The following ANKRD36 variants were observed in gnomAD, a reference collection of about 807,000 sequenced individuals.
The protein encoded by ANKRD36 is ankyrin repeat domain-containing protein 36A.
Under a neutral mutation model 278.1 loss-of-function variants are expected in ANKRD36, and 179 were observed. The observed-to-expected ratio is 0.64, with a 90% CI of 0.57 to 0.73. The LOEUF (loss-of-function observed/expected upper bound fraction) is 0.73. Ranked by LOEUF, ANKRD36 falls within the 30% of genes least tolerant of loss-of-function variation. The probability of loss-of-function intolerance (pLI) is 0.00; values close to 1 mark genes in which losing one functional copy is unlikely to be tolerated. For synonymous variants in ANKRD36, 320 were observed against 641.1 expected, an observed-to-expected ratio of 0.50 and a Z score of 7.57; for missense variants, 1,159 against 1,956.7, an observed-to-expected ratio of 0.59 and a Z score of 7.69.
intron 14 of ANKRD36, among the ~76,000 whole-genome samples, chr2:97,153,186 A>G (rs374698764): frequency 0.049 from 5,500 of 112,092 alleles, no homozygotes; most frequent in African/African-American, 0.081. Flanking sequence ...GATATTTCTA[A>G]TTCATTTCTC....
chr2:97,166,873 A>G (rs567290877), intron 20 of ANKRD36, among the ~76,000 whole-genome samples: 2 of 152,276 alleles, frequency 1.3e-5, no homozygotes, highest in South Asian at 2.1e-4. Context: ...AGTATTATTT[A>G]TTTATTTATT....
At chr2:97,127,712 A>G (rs1429546899) in intron 6 of ANKRD36, among the ~76,000 whole-genome samples, 1 of 151,972 alleles carries the variant, frequency 6.6e-6, no homozygotes, top group African/African-American at 2.4e-5. Flanking sequence ...ACTACTCTCA[A>G]TCTAGTGTAA....
chr2:97,209,908 C>T lies in ANKRD36; in HGVS notation c.3367+36C>T, dbSNP rs753877809. On this transcript the variant is annotated intron_variant, in intron 56 of 75. Coordinates refer to ENST00000420699, the MANE Select transcript of ANKRD36 (RefSeq NM_001354587.1). ...AAACAGATTTAATGTCATGTTCAGTCCAGATAGGTAAGAAATTCTCTTCCC... is the reference window on the plus strand; with the variant it reads ...AAACAGATTTAATGTCATGTTCAGTTCAGATAGGTAAGAAATTCTCTTCCC... 3.9e-6 allele frequency: 6 copies of T among 1,546,448 alleles called. No homozygotes were observed. The South Asian group carries it at 7.2e-5, about 19-fold the overall frequency.
At position 97,209,956 on chromosome 2, in the gene ANKRD36, G is replaced by GT. The variant is rs2063952391; in HGVS notation, c.3367+86dup. The GT allele has an allele frequency of 2.7e-6, 4 of 1,493,130 alleles. No homozygotes were observed. In the Admixed American group the frequency reaches 6.6e-5, roughly 25 times the overall value. The allele number at this position is 1,493,130 out of a possible 1,614,324, so 92.5% of individuals were successfully genotyped here. Reference sequence around the variant, plus strand: ...CCCTGAATAAATCAGCGGAGGGCTCGTTGAAGCTGCACATTCTGATTCAGC... The same window carrying GT: ...CCCTGAATAAATCAGCGGAGGGCTCGTTTGAAGCTGCACATTCTGATTCAGC... On this transcript the variant is annotated intron_variant, in intron 56 of 75. Coordinates refer to ENST00000420699, the MANE Select transcript of ANKRD36 (RefSeq NM_001354587.1).
At chr2:97,152,929 G>A (rs866766580) in intron 14 of ANKRD36, among the ~76,000 whole-genome samples, 2 of 151,614 alleles carry the variant, frequency 1.3e-5, no homozygotes, top group Middle Eastern at 3.4e-3. Flanking sequence ...TGTCTTTAGA[G>A]TGTTATTTAG....
At chr2:97,208,909 T>G (rs2063604354) in intron 54 of ANKRD36, among the ~76,000 whole-genome samples, 1 of 146,824 alleles carries the variant, frequency 6.8e-6, no homozygotes, top group African/African-American at 2.6e-5. Flanking sequence ...CAGTGATTTC[T>G]GAATGAAAAG....
chr2:97,188,737 A>T lies in ANKRD36; in HGVS notation c.2144-350A>T, dbSNP rs1332533773. 4.1e-5 allele frequency among the ~76,000 whole-genome samples: 4 copies of T among 96,558 alleles called. 1 individual carries two copies. The highest frequency in any genetic ancestry group is 9.3e-5 in the Admixed American group (1 of 10,780). The allele number at this position is 96,558 out of a possible 152,430, so 63.3% of individuals were successfully genotyped here. A position where few individuals can be genotyped will look rare whatever the true frequency, so the allele number is the denominator to read the frequency against. ...TGAAAGACATGTGGGATCATGTAGC[A>T]CCTGCTTTGACATTGATTCTCACAT... On this transcript the variant is annotated intron_variant, in intron 32 of 75. Transcript: ENST00000420699.
At position 97,205,060 on chromosome 2, in the gene ANKRD36, A is replaced by G. The variant is rs189293620; in HGVS notation, c.3061+797A>G. Among the ~76,000 whole-genome samples the G allele has an allele frequency of 4.2e-3, 634 of 151,672 alleles. 7 individuals carry two copies. Among genetic ancestry groups the G allele is most frequent in the African/African-American group, 0.014 (597 of 41,490 alleles). On this transcript the variant is annotated intron_variant, in intron 50 of 75. Transcript: ENST00000420699. ...AATAGCTGTTTAATGAAACTTCTTTAGAAAATAACATGATATTGCCAACAA... is the reference window on the plus strand; with the variant it reads ...AATAGCTGTTTAATGAAACTTCTTTGGAAAATAACATGATATTGCCAACAA...
At chr2:97,199,799 T>C (rs2060807930) in intron 44 of ANKRD36, among the ~76,000 whole-genome samples, 1 of 151,886 alleles carries the variant, frequency 6.6e-6, no homozygotes, top group East Asian at 1.9e-4. Context: ...CAAACAGATA[T>C]CCAAGGTGAT....
chr2:97,149,477 T>A, intron 12 of ANKRD36, 116 bp downstream of exon 12: 1 of 836,196 alleles, frequency 1.2e-6, no homozygotes, highest in African/African-American at 1.8e-5. Context: ...CTATTAAAAC[T>A]TTTATTAGAG....
Position 97,211,661 on chromosome 2 carries a change from C to T in ANKRD36, c.3397-8C>T, listed in dbSNP as rs757504229. 2.5e-6 allele frequency: 4 copies of T among 1,593,854 alleles called. No homozygotes were observed. In the African/African-American group the frequency reaches 5.4e-5, roughly 22 times the overall value. On this transcript the variant is annotated splice_polypyrimidine_tract_variant and splice_region_variant and intron_variant, in intron 57 of 75. Coordinates refer to ENST00000420699, the MANE Select transcript of ANKRD36 (RefSeq NM_001354587.1). Reference sequence around the variant, plus strand: ...TTTATTGACTGTTTTGTTTCAAATTCTATTCAGGCTATCTGTGACAAGGAA... The same window carrying T: ...TTTATTGACTGTTTTGTTTCAAATTTTATTCAGGCTATCTGTGACAAGGAA...
At position 97,191,157 on chromosome 2, in the gene ANKRD36, A is replaced by G; in HGVS notation, c.2323A>G (p.Lys775Glu). The G allele has an allele frequency of 6.3e-7, 1 of 1,597,046 alleles. No homozygotes were observed. Among genetic ancestry groups the G allele is most frequent in the Non-Finnish European group, 8.5e-7 (1 of 1,171,412 alleles). Residue 775 changes from lysine (K) to glutamate (E), a missense_variant, in exon 36 of 76, where the codon AAG (lysine) becomes GAG (glutamate). Lys to Glu is a moderately conservative substitution (Grantham distance 56, BLOSUM62 1). Coordinates refer to ENST00000420699, the MANE Select transcript of ANKRD36 (RefSeq NM_001354587.1). The stretch of plus-strand genomic sequence containing the variant: ...TGTTTCGAACATAGCCACAGAAATA[A>G]AGGATGGAGAAAAATCTGGGACAGG... The part of the protein sequence containing the change: ...DSVSNIATEI[K>E]DGEKSGTVSS...
At chr2:97,154,245 G>A (rs2046877699) in intron 14 of ANKRD36, among the ~76,000 whole-genome samples, 2 of 147,512 alleles carry the variant, frequency 1.4e-5, no homozygotes, top group African/African-American at 4.8e-5. Flanking sequence ...TAATGGAGAA[G>A]AGACCGTGCC....
Position 97,113,864 on chromosome 2 carries a change from A to G in ANKRD36, c.125A>G (p.His42Arg), listed in dbSNP as rs550176856. 5.5e-4 allele frequency: 887 copies of G among 1,607,124 alleles called. 77 individuals are homozygous for G. The East Asian group carries it at 0.013, about 23-fold the overall frequency. ...HLKRIHRAVL[H>R]GNLEKLKYLL... Reference sequence around the variant, plus strand: ...AAGAGGATCCACAGAGCTGTCTTACATGGTAATCTAGAGAAACTGAAGTAC... The same window carrying G: ...AAGAGGATCCACAGAGCTGTCTTACGTGGTAATCTAGAGAAACTGAAGTAC... The change falls in exon 1 of 76, where the codon CAT becomes CGT. Residue 42 changes from histidine (H) to arginine (R), a missense_variant. By Grantham distance (29) the His-to-Arg change is conservative. Coordinates refer to ENST00000420699, the MANE Select transcript of ANKRD36 (RefSeq NM_001354587.1).
intron 67 of ANKRD36, among the ~76,000 whole-genome samples, chr2:97,229,978 C>T (rs1212762892): frequency 9.2e-5 from 14 of 152,182 alleles, no homozygotes; most frequent in Admixed American, 2.6e-4. Flanking sequence ...CACTCTCTTC[C>T]GGCTTGTAGA....
intron 22 of ANKRD36, among the ~76,000 whole-genome samples, chr2:97,178,224 T>C (rs1272737566): frequency 2.0e-5 from 3 of 151,696 alleles, no homozygotes; most frequent in Middle Eastern, 3.2e-3. Context: ...TTTTACACTG[T>C]TGGTGGGACT....
chr2:97,231,495 G>A (rs1252794659), intron 67 of ANKRD36, among the ~76,000 whole-genome samples: 3 of 152,154 alleles, frequency 2.0e-5, no homozygotes, highest in African/African-American at 4.8e-5. Flanking sequence ...GAAAAGTGCA[G>A]TAGTAGGGTG....
At chr2:97,194,547 G>C (rs1262402684) in intron 38 of ANKRD36, among the ~76,000 whole-genome samples, 179 bp from the exon 39 acceptor site, 1 of 151,574 alleles carries the variant, frequency 6.6e-6, no homozygotes, top group African/African-American at 2.4e-5. Flanking sequence ...CACGGAGCCT[G>C]TGTTCCCTTT....
At chr2:97,137,181 T>C (rs2153439605) in intron 6 of ANKRD36, among the ~76,000 whole-genome samples, 1 of 152,006 alleles carries the variant, frequency 6.6e-6, no homozygotes, top group South Asian at 2.1e-4. Context: ...AAGTCTCACT[T>C]TGTCACCCAG....
Sources: gnomAD v4.1 joint callset for allele counts (sites outside exome capture counted in the v4.1 genomes callset) on GRCh38, gnomAD v4.1.1 for gene constraint, MANE v1.5 for transcripts, NCBI Gene and HGNC (gene_info 2026-07-23, HGNC 2026-07-21) for gene names.